Variants in ARMH3 observed in about 807,000 individuals in gnomAD.
ARMH3 encodes armadillo-like helical domain-containing protein 3.
Under a neutral mutation model 99.1 loss-of-function variants are expected in ARMH3, and 60 were observed. The observed-to-expected ratio is 0.61, with a 90% CI of 0.49 to 0.75. ARMH3 has a LOEUF of 0.75. Ranked by LOEUF, ARMH3 falls within the 30% of genes least tolerant of loss-of-function variation. The probability of loss-of-function intolerance (pLI) is 0.00; values close to 1 mark genes in which losing one functional copy is unlikely to be tolerated. For missense variants in ARMH3, 679 were observed against 843.1 expected (o/e 0.81, Z 2.41); for synonymous variants, 285 against 292.8 (o/e 0.97, Z 0.27).
chr10:101,847,298 G>A lies in ARMH3; in HGVS notation c.*230C>T, dbSNP rs2066484741. 6.2e-6 allele frequency: 3 copies of A among 487,144 alleles called. No individual in the cohort carries two copies. Among genetic ancestry groups the A allele is most frequent in the African/African-American group, 3.9e-5 (2 of 51,514 alleles). 30.2% of individuals were successfully genotyped at this position (487,144 alleles called of 1,614,324 possible). The stretch of plus-strand genomic sequence containing the variant: ...CCACTCTGGAAGTCCCCACATTCCT[G>A]GAGGCCTCTCCCCACTGTGCCCACC... On this transcript the variant is annotated 3_prime_UTR_variant, in exon 26 of 26. Coordinates refer to ENST00000370033, the MANE Select transcript of ARMH3 (RefSeq NM_024541.3).
chr10:101,996,676 A>C (rs1276348417), intron 15 of ARMH3, among the ~76,000 whole-genome samples: 2 of 141,948 alleles, frequency 1.4e-5, no homozygotes, highest in Non-Finnish European at 3.1e-5. Flanking sequence ...TTTAATTTTA[A>C]AATTAAAGTG....
At chr10:102,041,406 G>A (rs2067422677) in intron 1 of ARMH3, among the ~76,000 whole-genome samples, 1 of 151,948 alleles carries the variant, frequency 6.6e-6, no homozygotes, top group Non-Finnish European at 1.5e-5. Context: ...GGAGAGGCCA[G>A]ATTTTACTTC....
At chr10:101,960,630 C>T (rs551864375) in intron 20 of ARMH3, among the ~76,000 whole-genome samples, 1 of 152,164 alleles carries the variant, frequency 6.6e-6, no homozygotes, top group South Asian at 2.1e-4. Context: ...GTGGCTCATG[C>T]CTGTAATCCC....
At chr10:102,042,543 G>A (rs1298487718) in intron 1 of ARMH3, among the ~76,000 whole-genome samples, 1 of 152,090 alleles carries the variant, frequency 6.6e-6, no homozygotes, top group Non-Finnish European at 1.5e-5. Flanking sequence ...CTTCCATGTG[G>A]AGCAGCAGGA....
At chr10:101,849,248 AG>A (rs1357595429) in intron 25 of ARMH3, among the ~76,000 whole-genome samples, 1 of 152,170 alleles carries the variant, frequency 6.6e-6, no homozygotes, top group Admixed American at 6.5e-5. Context: ...GACCATCAAT[AG>A]GGCTAGCTCT....
chr10:101,982,955 C>A (rs189663769), intron 19 of ARMH3, among the ~76,000 whole-genome samples: 6 of 152,026 alleles, frequency 3.9e-5, no homozygotes, highest in Admixed American at 2.0e-4. Flanking sequence ...CATCACTGCC[C>A]CCAGATCTGT....
intron 23 of ARMH3, among the ~76,000 whole-genome samples, chr10:101,911,895 G>A (rs761819667): frequency 5.3e-5 from 8 of 152,060 alleles, no homozygotes; most frequent in Admixed American, 1.3e-4. Flanking sequence ...AATTACCTGG[G>A]AGTGGTGGGC....
At chr10:101,865,334 CAA>C (rs2066977294) in intron 24 of ARMH3, among the ~76,000 whole-genome samples, 2 of 151,718 alleles carry the variant, frequency 1.3e-5, no homozygotes, top group Admixed American at 6.6e-5. Flanking sequence ...AAAATATACA[CAA>C]GTCTATTATA....
intron 8 of ARMH3, among the ~76,000 whole-genome samples, chr10:102,017,196 A>G (rs891194814): frequency 6.6e-6 from 1 of 152,220 alleles, no homozygotes; most frequent in Non-Finnish European, 1.5e-5. Context: ...TGCTGTGTTC[A>G]TCTGGAATTC....
At chr10:102,025,686 TGTCA>T (rs571918774) in intron 5 of ARMH3, among the ~76,000 whole-genome samples, 194 of 152,272 alleles carry the variant, frequency 1.3e-3, no homozygotes, top group South Asian at 3.1e-3. Flanking sequence ...TCACTCTGTC[TGTCA>T]GTCAGGCTGG....
At chr10:102,011,598 A>C in intron 11 of ARMH3, 125 bp downstream of exon 11, 1 of 721,750 alleles carries the variant, frequency 1.4e-6, no homozygotes, top group Non-Finnish European at 2.3e-6. Context: ...ATCTGCTCTG[A>C]GCAGCCTCTC....
intron 8 of ARMH3, among the ~76,000 whole-genome samples, chr10:102,021,269 G>A (rs1319268825): frequency 6.6e-6 from 1 of 151,930 alleles, no homozygotes. Context: ...AAATATAGAT[G>A]GAGTTTTGCC....
chr10:101,935,174 A>ATATATAT (rs1843902399), intron 23 of ARMH3, among the ~76,000 whole-genome samples: 3 of 117,106 alleles, frequency 2.6e-5, no homozygotes, highest in African/African-American at 9.6e-5. Context: ...AAGGTGGAGC[A>ATATATAT]ATATATATAT....
intron 19 of ARMH3, among the ~76,000 whole-genome samples, chr10:101,987,661 A>G (rs977005702): frequency 6.6e-6 from 1 of 152,174 alleles, no homozygotes; most frequent in African/African-American, 2.4e-5. Flanking sequence ...ACATGATACT[A>G]TGGCTTCCAT....
rs533242428 is a variant in ARMH3, at chr10:101,895,367, C to A, written c.1782-5877G>T. Among the ~76,000 whole-genome samples, 8 of 151,816 alleles carry A rather than the reference C, an allele frequency of 5.3e-5. No homozygotes were observed. In the South Asian group the frequency reaches 1.3e-3, roughly 24 times the overall value. On this transcript the variant is annotated intron_variant, in intron 23 of 25. Transcript: ENST00000370033. ...CAATCTTGGCTCACTGCAAGCTCCA[C>A]CTCCCGGGTTCACGCCATTCTCCGG...
intron 2 of ARMH3, 176 bp from the exon 3 acceptor site, chr10:102,033,515 T>C: frequency 1.6e-6 from 1 of 629,020 alleles, no homozygotes; most frequent in Non-Finnish European, 2.6e-6. Flanking sequence ...CCCCCCAGGG[T>C]TCACGCCATT....
chr10:101,927,190 A>G (rs1489953258), intron 23 of ARMH3, among the ~76,000 whole-genome samples: 1 of 152,212 alleles, frequency 6.6e-6, no homozygotes, highest in Admixed American at 6.5e-5. Context: ...AAAAAGTTAA[A>G]GCTAAGACTA....
intron 25 of ARMH3, among the ~76,000 whole-genome samples, chr10:101,848,098 T>C (rs913335945): frequency 6.6e-6 from 1 of 152,224 alleles, no homozygotes; most frequent in Non-Finnish European, 1.5e-5. Context: ...CATTTAGAGA[T>C]GCAGTCCTTT....
At chr10:102,052,333 C>T (rs1221610940) in intron 1 of ARMH3, among the ~76,000 whole-genome samples, 1 of 152,138 alleles carries the variant, frequency 6.6e-6, no homozygotes, top group African/African-American at 2.4e-5. Flanking sequence ...ACACGACCCT[C>T]CCACCTCAGC....
Sources: gnomAD v4.1 joint callset for allele counts (sites outside exome capture counted in the v4.1 genomes callset) on GRCh38, gnomAD v4.1.1 for gene constraint, MANE v1.5 for transcripts, NCBI Gene and HGNC (gene_info 2026-07-23, HGNC 2026-07-21) for gene names.